Variants in UPF3A observed in about 807,000 individuals in gnomAD.
UPF3A encodes the protein UPF3A regulator of nonsense mediated mRNA decay, also known as regulator of nonsense transcripts 3A.
Under a neutral mutation model 53.5 loss-of-function variants are expected in UPF3A, and 42 were observed. The observed-to-expected ratio is 0.78, with a 90% CI of 0.61 to 1.01. The LOEUF (loss-of-function observed/expected upper bound fraction) is 1.01. Among genes scored for constraint, UPF3A ranks in the 50% least tolerant of loss-of-function variants. The pLI is 0.00. For synonymous variants in UPF3A, 237 were observed against 225.3 expected, an observed-to-expected ratio of 1.05 and a Z score of -0.47; for missense variants, 575 against 598.0, an observed-to-expected ratio of 0.96 and a Z score of 0.40.
At chr13:114,282,534 A>C in intron 2 of UPF3A, 1 of 985,450 alleles carries the variant, frequency 1.0e-6, no homozygotes, top group Non-Finnish European at 1.2e-6. Context: ...AAGGTCCCCA[A>C]GTCAGGAGAG....
chr13:114,305,559 A>G lies in UPF3A; in HGVS notation c.*642A>G, dbSNP rs1230633878. ...TGGATGGATGTGTTTGTGGTTTGTA[A>G]CCATTACGGTTTAAACCATGGTTTA... On this transcript the variant is annotated 3_prime_UTR_variant, in exon 10 of 10. Coordinates refer to ENST00000375299, the MANE Select transcript of UPF3A (RefSeq NM_023011.4). 1.9e-5 allele frequency: 3 copies of G among 154,770 alleles called. No individual in the cohort carries two copies. Among genetic ancestry groups the G allele is most frequent in the African/African-American group, 7.2e-5 (3 of 41,412 alleles). The allele number at this position is 154,770 out of a possible 1,614,324, so 9.6% of individuals were successfully genotyped here.
intron 7 of UPF3A, 55 bp downstream of exon 7, chr13:114,291,847 C>A (rs1218426287): frequency 1.3e-6 from 2 of 1,510,862 alleles, no homozygotes; most frequent in African/African-American, 1.4e-5. Flanking sequence ...ATAGTAATTA[C>A]ACTTTTTACA....
At chr13:114,297,370 G>A (rs1431140240) in intron 7 of UPF3A, among the ~76,000 whole-genome samples, 4 of 152,134 alleles carry the variant, frequency 2.6e-5, no homozygotes, top group Non-Finnish European at 4.4e-5. Context: ...TCAGGAAAGA[G>A]AATAATCAGT....
At chr13:114,292,245 G>A (rs2085361447) in intron 7 of UPF3A, among the ~76,000 whole-genome samples, 1 of 150,744 alleles carries the variant, frequency 6.6e-6, no homozygotes, top group Non-Finnish European at 1.5e-5. Context: ...GTGCAGATGT[G>A]TCACATGTTC....
At chr13:114,282,593 A>G (rs974396948) in intron 2 of UPF3A, 1 of 985,460 alleles carries the variant, frequency 1.0e-6, no homozygotes, top group Non-Finnish European at 1.2e-6. Context: ...GCCTTGCCTT[A>G]GGGTTTCAGC....
chr13:114,301,342 A>T (rs1300160664), intron 8 of UPF3A, among the ~76,000 whole-genome samples: 1 of 151,972 alleles, frequency 6.6e-6, no homozygotes, highest in African/African-American at 2.4e-5. Flanking sequence ...GGGCACCTGT[A>T]GTCCCAGCTA....
intron 2 of UPF3A, chr13:114,282,532 C>T: frequency 6.1e-6 from 6 of 985,458 alleles, no homozygotes; most frequent in Non-Finnish European, 7.2e-6. Context: ...AGAAGGTCCC[C>T]AAGTCAGGAG....
chr13:114,294,709 C>T (rs1235425725), intron 7 of UPF3A, among the ~76,000 whole-genome samples: 1 of 151,606 alleles, frequency 6.6e-6, no homozygotes, highest in Non-Finnish European at 1.5e-5. Context: ...CCTGTAGTCC[C>T]AGCTACTCAG....
chr13:114,290,540 A>T (rs1015417985), intron 5 of UPF3A, among the ~76,000 whole-genome samples: 7 of 152,052 alleles, frequency 4.6e-5, no homozygotes, highest in African/African-American at 1.7e-4. Flanking sequence ...TGTCAGCGCA[A>T]GTCCCTCTGA....
chr13:114,302,142 T>G, intron 9 of UPF3A, 117 bp downstream of exon 9: 1 of 1,020,536 alleles, frequency 9.8e-7, no homozygotes, highest in South Asian at 3.8e-5. Flanking sequence ...CTTTGAGCAT[T>G]TTCAAGAGCA....
chr13:114,293,071 C>CAAAA (rs1164617444), intron 7 of UPF3A, among the ~76,000 whole-genome samples: 2 of 49,606 alleles, frequency 4.0e-5, no homozygotes, highest in Non-Finnish European at 7.9e-5. Context: ...GACTCCCTCT[C>CAAAA]AAAAAAAAAA....
At position 114,304,974 on chromosome 13, in the gene UPF3A, A is replaced by T; in HGVS notation, c.*57A>T. The T allele has an allele frequency of 6.4e-7, 1 of 1,571,360 alleles. No individual in the cohort carries two copies. Among genetic ancestry groups the T allele is most frequent in the Non-Finnish European group, 8.6e-7 (1 of 1,158,554 alleles). On this transcript the variant is annotated 3_prime_UTR_variant, in exon 10 of 10. Coordinates refer to ENST00000375299, the MANE Select transcript of UPF3A (RefSeq NM_023011.4). ...GCAAGGGCATCCCAGAAACGTGTAA[A>T]TGACCCCGAGTGTGACTGGGAAGGA...
At position 114,301,808 on chromosome 13, in the gene UPF3A, A is replaced by G; in HGVS notation, c.1085A>G (p.His362Arg). 6.2e-7 allele frequency: 1 copy of G among 1,613,982 alleles called. No individual in the cohort carries two copies. The highest frequency in any genetic ancestry group is 8.5e-7 in the Non-Finnish European group (1 of 1,179,912). ...QEQESEAQRY[H>R]VDDGRRHRAH... is the part of the protein sequence containing the mutation. ...CAAGAATCTGAAGCACAAAGATACC[A>G]TGTGGATGACGGCAGGAGGCACAGA... is the stretch of plus-strand genomic sequence containing the variant. Residue 362 changes from histidine to arginine, a missense_variant, in exon 9 of 10, where the codon CAT becomes CGT. By Grantham distance (29) the His-to-Arg change is conservative. Around this residue, in one of 2 missense-constraint regions of UPF3A, gnomAD observed 323 missense variants for 415.2 expected, o/e 0.78. Transcript: ENST00000375299.
intron 3 of UPF3A, among the ~76,000 whole-genome samples, chr13:114,284,671 C>T (rs1169367744): frequency 6.6e-6 from 1 of 151,970 alleles, no homozygotes; most frequent in Non-Finnish European, 1.5e-5. Context: ...TACACTGTAG[C>T]CTTGGTGACA....
chr13:114,283,051 C>T (rs2084285570), intron 3 of UPF3A, 108 bp downstream of exon 3: 3 of 886,060 alleles, frequency 3.4e-6, no homozygotes, highest in African/African-American at 1.7e-5. Context: ...GAGACAGGGT[C>T]TTGCTCTGTT....
intron 5 of UPF3A, among the ~76,000 whole-genome samples, chr13:114,288,598 T>G (rs1480215467): frequency 6.6e-6 from 1 of 152,168 alleles, no homozygotes; most frequent in African/African-American, 2.4e-5. Flanking sequence ...TGGAAGCCAC[T>G]GGGGGAGTAG....
At chr13:114,300,458 G>A (rs1452772207) in intron 8 of UPF3A, among the ~76,000 whole-genome samples, 6 of 152,052 alleles carry the variant, frequency 3.9e-5, no homozygotes, top group Non-Finnish European at 5.9e-5. Context: ...TGCAACCTCC[G>A]CCTCCCAGGT....
chr13:114,299,052 T>G (rs2086337226), intron 8 of UPF3A, 52 bp downstream of exon 8: 1 of 1,513,824 alleles, frequency 6.6e-7, no homozygotes, highest in African/African-American at 1.4e-5. Context: ...CATGGTGACG[T>G]AGGCTTTGTC....
At chr13:114,290,606 G>C (rs531551677) in intron 5 of UPF3A, among the ~76,000 whole-genome samples, 1 of 152,352 alleles carries the variant, frequency 6.6e-6, no homozygotes, top group African/African-American at 2.4e-5. Flanking sequence ...GGTCAGATCT[G>C]AGAGGTCGGG....
Sources: gnomAD v4.1 joint callset for allele counts (sites outside exome capture counted in the v4.1 genomes callset) on GRCh38, gnomAD v4.1.1 for gene constraint, gnomAD v4.1.1 regional missense constraint, MANE v1.5 for transcripts, NCBI Gene and HGNC (gene_info 2026-07-23, HGNC 2026-07-21) for gene names.